Variants in SMARCA5 observed in about 807,000 individuals in gnomAD.
SMARCA5 encodes the protein SWI/SNF-related matrix-associated actin-dependent regulator of chromatin subfamily A member 5.
In SMARCA5, 18 loss-of-function variants were observed where a neutral mutation model predicts 140.4. The ratio of observed to expected loss-of-function variants is 0.13; its 90% CI spans 0.09 to 0.19. SMARCA5 has a LOEUF of 0.19. Ranked by LOEUF, SMARCA5 falls within the 10% of genes least tolerant of loss-of-function variation. The probability of loss-of-function intolerance (pLI) is 1.00; values close to 1 mark genes in which losing one functional copy is unlikely to be tolerated. For synonymous variants in SMARCA5, 449 were observed against 419.6 expected, an observed-to-expected ratio of 1.07 and a Z score of -0.86; for missense variants, 606 against 1,276.8, an observed-to-expected ratio of 0.47 and a Z score of 8.01.
chr4:143,544,772 A>G lies in SMARCA5; in HGVS notation c.2208A>G (p.Arg736=), dbSNP rs890745893. ...CAGAGTGGATTGAACCACCTAAACG[A>G]GAAAGAAAAGCCAACTATGCCGTTG... ...AFTEWIEPPK[R]ERKANYAVDA... Residue 736 remains arginine (R), a synonymous_variant, in exon 17 of 24, where the codon CGA becomes CGG. Coordinates refer to ENST00000283131, the MANE Select transcript of SMARCA5 (RefSeq NM_003601.4). 9 of 1,612,978 alleles carry G rather than the reference A, an allele frequency of 5.6e-6. No homozygotes were observed. Among genetic ancestry groups the G allele is most frequent in the African/African-American group, 1.3e-5 (1 of 74,950 alleles).
chr4:143,516,291 CTTGATACTAATAGG>C (rs545259238), intron 1 of SMARCA5, among the ~76,000 whole-genome samples: 96 of 138,318 alleles, frequency 6.9e-4, no homozygotes, highest in Middle Eastern at 4.3e-3. Context: ...TTTCTTTTTG[CTTGATACTAATAGG>C]TCAATGGAGC....
chr4:143,517,454 GTC>G, intron 2 of SMARCA5, 25 bp downstream of exon 2: 1 of 1,479,202 alleles, frequency 6.8e-7, no homozygotes, highest in Non-Finnish European at 9.2e-7. Context: ...TGTGAATAGA[GTC>G]TATAAGGAAA....
intron 23 of SMARCA5, among the ~76,000 whole-genome samples, chr4:143,552,252 G>A (rs1365529150): frequency 6.6e-6 from 1 of 152,022 alleles, no homozygotes; most frequent in African/African-American, 2.4e-5. Context: ...GTATCCTGCA[G>A]TGTCACTGAA....
At chr4:143,546,512 T>G (rs570251246) in intron 19 of SMARCA5, among the ~76,000 whole-genome samples, 1 of 152,256 alleles carries the variant, frequency 6.6e-6, no homozygotes, top group South Asian at 2.1e-4. Context: ...CAACTGCTAG[T>G]AATCCTTCAA....
chr4:143,517,134 CCATA>C (rs1440332002), intron 1 of SMARCA5, among the ~76,000 whole-genome samples: 1 of 152,114 alleles, frequency 6.6e-6, no homozygotes, highest in African/African-American at 2.4e-5. Flanking sequence ...TTGGCAACAA[CCATA>C]CAGTTTATAT....
chr4:143,524,238 C>T, intron 3 of SMARCA5, 129 bp from the exon 4 acceptor site: 14 of 536,906 alleles, frequency 2.6e-5, no homozygotes, highest in South Asian at 9.3e-5. Flanking sequence ...TTCTACTGTC[C>T]ACTGGTTGAT....
At position 143,513,800 on chromosome 4, in the gene SMARCA5, G is replaced by C. The variant is rs1054272666; in HGVS notation, c.-125G>C. 1.8e-6 allele frequency: 2 copies of C among 1,142,210 alleles called. No individual in the cohort carries two copies. Among genetic ancestry groups the C allele is most frequent in the African/African-American group, 1.6e-5 (1 of 63,306 alleles). The allele number at this position is 1,142,210 out of a possible 1,614,324, so 70.8% of individuals were successfully genotyped here. A position where few individuals can be genotyped will look rare whatever the true frequency, so the allele number is the denominator to read the frequency against. On this transcript the variant is annotated 5_prime_UTR_variant, in exon 1 of 24. Transcript: ENST00000283131. ...CGTCGCGGAGGCGCGGCGCAGGGGA[G>C]CGCTCGGGTGGGAGTCTCGCTCCTC...
chr4:143,514,087 G>A lies in SMARCA5; in HGVS notation c.163G>A (p.Asp55Asn), dbSNP rs1243527828. The change falls in exon 1 of 24, where the codon GAC (aspartate) becomes AAC (asparagine). Residue 55 changes from aspartate (D) to asparagine (N), a missense_variant. Coordinates refer to ENST00000283131, the MANE Select transcript of SMARCA5 (RefSeq NM_003601.4). Reference sequence around the variant, plus strand: ...GTCTGCGGCCAGCGCTGGTCCCGCAGACGCCGAGATGGAGGTGAGGGCGAC... The same window carrying A: ...GTCTGCGGCCAGCGCTGGTCCCGCAAACGCCGAGATGGAGGTGAGGGCGAC... The part of the protein sequence containing the change: ...VASAASAGPA[D>N]AEMEEIFDDA... The A allele has an allele frequency of 1.3e-6, 2 of 1,547,102 alleles. No homozygotes were observed. The highest frequency in any genetic ancestry group is 2.4e-5 in the East Asian group (1 of 42,090).
At chr4:143,547,667 A>G (rs890410808) in intron 21 of SMARCA5, among the ~76,000 whole-genome samples, 164 bp downstream of exon 21, 3 of 152,092 alleles carry the variant, frequency 2.0e-5, no homozygotes, top group African/African-American at 7.2e-5. Flanking sequence ...CCTATACACT[A>G]GACTGATAGA....
intron 7 of SMARCA5, 128 bp downstream of exon 7, chr4:143,528,151 C>T (rs1169074202): frequency 6.1e-6 from 4 of 650,932 alleles, no homozygotes; most frequent in Non-Finnish European, 9.8e-6. Context: ...CATAGGTATG[C>T]ATGTGCCATG....
intron 9 of SMARCA5, among the ~76,000 whole-genome samples, chr4:143,534,160 T>A (rs1737256283): frequency 6.6e-6 from 1 of 152,202 alleles, no homozygotes; most frequent in African/African-American, 2.4e-5. Context: ...TACGTTGTTT[T>A]TTTTTTAGAC....
chr4:143,553,165 A>C lies in SMARCA5; in HGVS notation c.3140A>C (p.Lys1047Thr). ...GGCGCACCTGATGGTCGAGGAAGAA[A>C]AAAGAAGCTGAAACTATGAATATGT... ...MDGAPDGRGR[K>T]KKLKL Residue 1047 changes from lysine to threonine, a missense_variant, in exon 24 of 24, where the codon AAA becomes ACA. By Grantham distance (78) the Lys-to-Thr change is moderately conservative (BLOSUM62 -1). Around this residue, in one of 10 missense-constraint regions of SMARCA5, gnomAD observed 40 missense variants for 59.8 expected, o/e 0.67. Transcript: ENST00000283131. 1 of 1,612,376 alleles carries C rather than the reference A, an allele frequency of 6.2e-7. No individual in the cohort carries two copies. Among genetic ancestry groups the C allele is most frequent in the Non-Finnish European group, 8.5e-7 (1 of 1,178,634 alleles).
intron 17 of SMARCA5, 81 bp from the exon 18 acceptor site, chr4:143,545,386 TGTG>T: frequency 1.3e-6 from 1 of 799,052 alleles, no homozygotes; most frequent in Admixed American, 2.2e-5. Flanking sequence ...AATTGGCTGT[TGTG>T]GTTTATGAAG....
chr4:143,551,142 C>T (rs1420836493), intron 23 of SMARCA5, among the ~76,000 whole-genome samples: 1 of 148,406 alleles, frequency 6.7e-6, no homozygotes, highest in Admixed American at 6.8e-5. Context: ...GTTTTGATTG[C>T]ATTTCTCTGA....
Position 143,538,866 on chromosome 4 carries a change from C to T in SMARCA5, c.1698C>T (p.Ile566=), listed in dbSNP as rs771662197. ...GCACGCGTGCTGGTGGTCTTGGCAT[C>T]AATCTTGCGACTGCTGATGTAGTAA... ...MLSTRAGGLG[I]NLATADVVIL... Residue 566 remains isoleucine (I), a synonymous_variant, in exon 13 of 24, where the codon ATC becomes ATT. Transcript: ENST00000283131. 12 of 1,613,932 alleles carry T rather than the reference C, an allele frequency of 7.4e-6. No homozygotes were observed. The South Asian group carries it at 1.3e-4, about 18-fold the overall frequency.
chr4:143,537,978 A>T (rs1171739452), intron 11 of SMARCA5, among the ~76,000 whole-genome samples: 1 of 152,014 alleles, frequency 6.6e-6, no homozygotes, highest in Non-Finnish European at 1.5e-5. Context: ...TGACAACAGC[A>T]GATTGTCAGC....
chr4:143,532,831 T>C (rs1737220067), intron 9 of SMARCA5, among the ~76,000 whole-genome samples: 2 of 152,088 alleles, frequency 1.3e-5, no homozygotes, highest in Non-Finnish European at 2.9e-5. Flanking sequence ...ACACTTGGGG[T>C]TATCCAGTTA....
intron 23 of SMARCA5, among the ~76,000 whole-genome samples, chr4:143,552,526 G>T (rs1385769253): frequency 6.6e-6 from 1 of 151,984 alleles, no homozygotes; most frequent in Non-Finnish European, 1.5e-5. Flanking sequence ...AATCAGGAAA[G>T]TATGTCTCGT....
chr4:143,544,430 G>A (rs1371724398), intron 16 of SMARCA5: 3 of 208,236 alleles, frequency 1.4e-5, no homozygotes, highest in Non-Finnish European at 2.8e-5. Context: ...AGAATTTTTT[G>A]TAGGCTAATT....
Sources: gnomAD v4.1 joint callset for allele counts (sites outside exome capture counted in the v4.1 genomes callset) on GRCh38, gnomAD v4.1.1 for gene constraint, gnomAD v4.1.1 regional missense constraint, MANE v1.5 for transcripts, NCBI Gene and HGNC (gene_info 2026-07-23, HGNC 2026-07-21) for gene names.